The following ROBO1 variants were observed in gnomAD, a reference collection of about 807,000 sequenced individuals.
ROBO1 encodes roundabout guidance receptor 1, also known as roundabout homolog 1.
A neutral mutation model predicts 195.9 loss-of-function variants in ROBO1; 149 were observed. The observed-to-expected ratio is 0.76, with a 90% CI of 0.67 to 0.87. The LOEUF is 0.87. Ranked by LOEUF, ROBO1 falls within the 40% of genes least tolerant of loss-of-function variation. The pLI, the probability that ROBO1 is intolerant of heterozygous loss-of-function variation, is 0.00. For missense variants in ROBO1, 1,933 were observed against 2,068.3 expected (o/e 0.93, Z 1.27); for synonymous variants, 816 against 733.2 (o/e 1.11, Z -1.82).
At position 79,433,988 on chromosome 3, in the gene ROBO1, C is replaced by T. The variant is rs184247579; in HGVS notation, c.88+155836G>A. Among the ~76,000 whole-genome samples the T allele has an allele frequency of 7.5e-4, 114 of 152,172 alleles. No individual in the cohort carries two copies. In the East Asian group the frequency reaches 8.3e-3, roughly 11 times the overall value. ...GGAAAGGATTCCCTATTTAATAAAT[C>T]GTGCTGGGAAAACTGGCTAGCCATA... is the stretch of plus-strand genomic sequence containing the variant. On this transcript the variant is annotated intron_variant, in intron 2 of 30. Coordinates refer to ENST00000464233, the MANE Select transcript of ROBO1 (RefSeq NM_002941.4).
At chr3:79,329,926 T>A (rs993354531) in intron 2 of ROBO1, among the ~76,000 whole-genome samples, 3 of 152,166 alleles carry the variant, frequency 2.0e-5, no homozygotes, top group African/African-American at 7.2e-5. Flanking sequence ...TGGATTCAGA[T>A]CACTGTTCTC....
chr3:79,307,979 T>C (rs1277636820), intron 2 of ROBO1, among the ~76,000 whole-genome samples: 7 of 152,164 alleles, frequency 4.6e-5, no homozygotes, highest in Non-Finnish European at 1.0e-4. Context: ...CTTCATAACA[T>C]TGAGTGTCCT....
chr3:79,166,850 C>T (rs1442836073), intron 2 of ROBO1, among the ~76,000 whole-genome samples: 1 of 152,008 alleles, frequency 6.6e-6, no homozygotes, highest in Admixed American at 6.6e-5. Flanking sequence ...ATTATCAGTG[C>T]CTAAATCAGT....
chr3:79,745,981 T>C (rs528119781), intron 1 of ROBO1, among the ~76,000 whole-genome samples: 25 of 152,260 alleles, frequency 1.6e-4, no homozygotes, highest in African/African-American at 6.0e-4. Flanking sequence ...TCATGTTAAC[T>C]TAACAGATAC....
chr3:78,822,313 A>C (rs959170870), intron 4 of ROBO1, among the ~76,000 whole-genome samples: 3 of 152,148 alleles, frequency 2.0e-5, no homozygotes, highest in Non-Finnish European at 4.4e-5. Context: ...AACATCCTTA[A>C]ACTGTACAAG....
chr3:78,687,529 G>A (rs1340904117), intron 9 of ROBO1, among the ~76,000 whole-genome samples: 2 of 152,090 alleles, frequency 1.3e-5, no homozygotes, highest in Admixed American at 6.5e-5. Flanking sequence ...AAACACCCAC[G>A]ACTGATTTAA....
intron 1 of ROBO1, among the ~76,000 whole-genome samples, chr3:79,765,584 G>T (rs1704941697): frequency 6.6e-6 from 1 of 152,176 alleles, no homozygotes; most frequent in African/African-American, 2.4e-5. Context: ...GCTGCTAGGA[G>T]AATACAAGTT....
At chr3:79,728,939 G>C (rs1703035798) in intron 1 of ROBO1, among the ~76,000 whole-genome samples, 1 of 151,974 alleles carries the variant, frequency 6.6e-6, no homozygotes, top group South Asian at 2.1e-4. Flanking sequence ...GCTATTTTAG[G>C]AAATTTTTTT....
intron 1 of ROBO1, among the ~76,000 whole-genome samples, chr3:79,695,320 C>T (rs188858978): frequency 1.3e-5 from 2 of 151,668 alleles, no homozygotes; most frequent in Non-Finnish European, 1.5e-5. Flanking sequence ...AATCTACTCT[C>T]GTAATCAATG....
At chr3:78,832,856 C>T (rs1041552328) in intron 4 of ROBO1, among the ~76,000 whole-genome samples, 1 of 151,918 alleles carries the variant, frequency 6.6e-6, no homozygotes, top group Non-Finnish European at 1.5e-5. Context: ...TAGAGCACAA[C>T]CCAAGTAGAA....
chr3:79,550,119 C>A, intron 2 of ROBO1, among the ~76,000 whole-genome samples: 1 of 137,038 alleles, frequency 7.3e-6, no homozygotes, highest in African/African-American at 2.9e-5. Context: ...AGCAAGACTC[C>A]ATCTCCAAAG....
chr3:78,797,117 C>A (rs553654368), intron 4 of ROBO1, among the ~76,000 whole-genome samples: 58 of 152,208 alleles, frequency 3.8e-4, no homozygotes, highest in African/African-American at 1.4e-3. Context: ...GACAGGTGCC[C>A]CTTCTGTTGT....
At chr3:78,704,539 TA>T (rs1243691420) in intron 8 of ROBO1, among the ~76,000 whole-genome samples, 3 of 151,536 alleles carry the variant, frequency 2.0e-5, no homozygotes, top group Non-Finnish European at 2.9e-5. Context: ...CACTTTTACC[TA>T]AATTTTAATT....
chr3:78,802,043 G>A (rs2084387261), intron 4 of ROBO1, among the ~76,000 whole-genome samples: 1 of 152,042 alleles, frequency 6.6e-6, no homozygotes, highest in Non-Finnish European at 1.5e-5. Flanking sequence ...TCCTTCCAAA[G>A]AGAAAGCAGC....
chr3:78,955,987 G>T (rs892426099), intron 3 of ROBO1, among the ~76,000 whole-genome samples: 1 of 151,692 alleles, frequency 6.6e-6, no homozygotes, highest in Admixed American at 6.6e-5. Context: ...ATTATATCTT[G>T]GCTTTAGCTC....
chr3:79,416,083 A>T (rs1028343318), intron 2 of ROBO1, among the ~76,000 whole-genome samples: 3 of 61,450 alleles, frequency 4.9e-5, no homozygotes, highest in Admixed American at 2.5e-4. Flanking sequence ...ATACCAACAT[A>T]AAAAAAATAA....
chr3:78,913,707 T>TA (rs1373355810), intron 4 of ROBO1, among the ~76,000 whole-genome samples: 2 of 152,138 alleles, frequency 1.3e-5, no homozygotes, highest in East Asian at 3.9e-4. Context: ...TGTGAAATGT[T>TA]AGAGTTTCTG....
chr3:79,371,865 C>T (rs541193447), intron 2 of ROBO1, among the ~76,000 whole-genome samples: 2 of 152,150 alleles, frequency 1.3e-5, no homozygotes, highest in Non-Finnish European at 2.9e-5. Flanking sequence ...TGGTCCCTAA[C>T]CTTTTAGGCA....
rs555424090 is a variant in ROBO1, at chr3:79,306,454, G to A, written c.89-180915C>T. ...AACTGAAACAAAATTAAAATTGGGC[G>A]CTCTCTCTATCTTTATTTGTGATCG... On this transcript the variant is annotated intron_variant, in intron 2 of 30. Coordinates refer to ENST00000464233, the MANE Select transcript of ROBO1 (RefSeq NM_002941.4). Among the ~76,000 whole-genome samples, 6 of 152,168 alleles carry A rather than the reference G, an allele frequency of 3.9e-5. No individual in the cohort carries two copies. In the East Asian group the frequency reaches 5.8e-4, roughly 15 times the overall value.
Sources: allele counts gnomAD v4.1 joint callset (sites outside exome capture counted in the v4.1 genomes callset), GRCh38; gene constraint gnomAD v4.1.1; transcripts MANE v1.5; gene names NCBI Gene and HGNC (gene_info 2026-07-23, HGNC 2026-07-21).